Variants in UMAD1 observed in about 807,000 individuals in gnomAD.
UMAD1 encodes UBAP1-MVB12-associated (UMA)-domain containing protein 1.
A neutral mutation model predicts 6.1 loss-of-function variants in UMAD1; 8 were observed. The observed-to-expected ratio is 1.30, with a 90% confidence interval of 0.76 to 2.35. UMAD1 has a LOEUF of 2.35. Ranked by LOEUF, UMAD1 falls within the 30% of genes most tolerant of loss-of-function variation. The pLI, the probability that UMAD1 is intolerant of heterozygous loss-of-function variation, is 0.00. For synonymous variants in UMAD1, 56 were observed against 31.4 expected (o/e 1.78, Z -2.61); for missense variants, 130 against 78.4 (o/e 1.66, Z -2.49).
At chr7:7,721,102 A>G (rs1013456984) in intron 2 of UMAD1, among the ~76,000 whole-genome samples, 8 of 152,186 alleles carry the variant, frequency 5.3e-5, no homozygotes, top group Admixed American at 2.0e-4. Flanking sequence ...AGAAACCACC[A>G]GAGCTAGGAA....
intron 3 of UMAD1, among the ~76,000 whole-genome samples, chr7:7,862,853 C>A (rs1303983022): frequency 1.3e-5 from 2 of 152,102 alleles, no homozygotes; most frequent in Non-Finnish European, 2.9e-5. Flanking sequence ...GACAAGTAAC[C>A]TTTAAAATTA....
intron 2 of UMAD1, among the ~76,000 whole-genome samples, chr7:7,784,085 T>C (rs1782406638): frequency 6.6e-6 from 1 of 152,186 alleles, no homozygotes; most frequent in African/African-American, 2.4e-5. Flanking sequence ...TTTATAATTG[T>C]ATTAGAAGAA....
intron 3 of UMAD1, among the ~76,000 whole-genome samples, chr7:7,872,529 AG>A (rs1784349065): frequency 1.3e-5 from 2 of 152,240 alleles, no homozygotes; most frequent in African/African-American, 2.4e-5. Flanking sequence ...GCCTCACCAA[AG>A]CAGATAGAAT....
chr7:7,811,676 C>T (rs10249817), intron 3 of UMAD1, among the ~76,000 whole-genome samples: 72,931 of 151,884 alleles, frequency 0.48, 17,643 homozygotes, highest in African/African-American at 0.51. Flanking sequence ...TAAAATAATG[C>T]TTTGATAGGG....
chr7:7,728,940 A>G (rs1485515532), intron 2 of UMAD1, among the ~76,000 whole-genome samples: 1 of 152,250 alleles, frequency 6.6e-6, no homozygotes, highest in Non-Finnish European at 1.5e-5. Flanking sequence ...CTGACAGTCC[A>G]GTTGTAGAGA....
intron 3 of UMAD1, among the ~76,000 whole-genome samples, chr7:7,857,169 A>G (rs1431641072): frequency 2.0e-5 from 3 of 152,234 alleles, no homozygotes; most frequent in Non-Finnish European, 4.4e-5. Flanking sequence ...GCATGAAAGC[A>G]CCACTCTTTT....
intron 2 of UMAD1, among the ~76,000 whole-genome samples, chr7:7,791,757 C>G (rs533775053): frequency 6.6e-6 from 1 of 152,320 alleles, no homozygotes; most frequent in East Asian, 1.9e-4. Context: ...TGTTGGTGTT[C>G]TTACTTTCCA....
intron 2 of UMAD1, among the ~76,000 whole-genome samples, chr7:7,788,593 A>G (rs1396276628): frequency 6.6e-6 from 1 of 151,860 alleles, no homozygotes; most frequent in Non-Finnish European, 1.5e-5. Context: ...GCAGGCTCTC[A>G]GTGTCTGATT....
At chr7:7,853,571 T>G (rs1249093815) in intron 3 of UMAD1, among the ~76,000 whole-genome samples, 3 of 152,170 alleles carry the variant, frequency 2.0e-5, no homozygotes, top group Non-Finnish European at 2.9e-5. Flanking sequence ...TTTTTGATAG[T>G]ATTGTAAATG....
intron 3 of UMAD1, among the ~76,000 whole-genome samples, chr7:7,806,755 C>T (rs1782925073): frequency 6.6e-6 from 1 of 152,092 alleles, no homozygotes; most frequent in East Asian, 1.9e-4. Context: ...TATATATATA[C>T]ATCTGATTAA....
chr7:7,833,429 C>G (rs1783503062), intron 3 of UMAD1, among the ~76,000 whole-genome samples: 1 of 151,904 alleles, frequency 6.6e-6, no homozygotes, highest in Admixed American at 6.6e-5. Flanking sequence ...CAGAGATGGG[C>G]AAAGTACAGT....
chr7:7,820,417 CAGTT>C (rs1281413453), intron 3 of UMAD1, among the ~76,000 whole-genome samples: 1 of 152,094 alleles, frequency 6.6e-6, no homozygotes, highest in African/African-American at 2.4e-5. Flanking sequence ...CAGTATCAGT[CAGTT>C]CACAATTCAA....
intron 2 of UMAD1, among the ~76,000 whole-genome samples, chr7:7,791,341 G>C (rs542329812): frequency 3.9e-5 from 6 of 152,256 alleles, no homozygotes; most frequent in African/African-American, 9.6e-5. Flanking sequence ...CTTTCTATTG[G>C]CAGTATTTTG....
At chr7:7,669,606 G>A (rs535336088) in intron 1 of UMAD1, among the ~76,000 whole-genome samples, 14 of 152,288 alleles carry the variant, frequency 9.2e-5, no homozygotes, top group African/African-American at 2.9e-4. Context: ...TGAGTCTTTA[G>A]CATCAGCAGC....
chr7:7,859,125 C>T (rs964447409), intron 3 of UMAD1, among the ~76,000 whole-genome samples: 1 of 152,074 alleles, frequency 6.6e-6, no homozygotes, highest in Non-Finnish European at 1.5e-5. Context: ...TTAATTTAAT[C>T]TAATTTATTG....
intron 3 of UMAD1, among the ~76,000 whole-genome samples, chr7:7,812,918 AG>A (rs1783049059): frequency 1.3e-5 from 2 of 151,944 alleles, no homozygotes; most frequent in African/African-American, 2.4e-5. Context: ...GCTTAAGTGC[AG>A]CCATTTTTAT....
At chr7:7,863,403 T>G (rs1784150255) in intron 3 of UMAD1, among the ~76,000 whole-genome samples, 1 of 152,248 alleles carries the variant, frequency 6.6e-6, no homozygotes, top group African/African-American at 2.4e-5. Flanking sequence ...ATGAGAACTT[T>G]TCTGATCTCT....
intron 1 of UMAD1, among the ~76,000 whole-genome samples, chr7:7,654,919 T>A (rs867655510): frequency 1.3e-3 from 186 of 139,280 alleles, no homozygotes; most frequent in African/African-American, 4.0e-3. Flanking sequence ...AAAAAAAAAA[T>A]TTGTGATATT....
At chr7:7,737,146 G>A (rs36045810) in intron 2 of UMAD1, among the ~76,000 whole-genome samples, 44,390 of 152,182 alleles carry the variant, frequency 0.29, 7,387 homozygotes, top group African/African-American at 0.46. Flanking sequence ...TATAATTTCT[G>A]TATATTAATT....
Sources: allele counts gnomAD v4.1 joint callset (sites outside exome capture counted in the v4.1 genomes callset), GRCh38; gene constraint gnomAD v4.1.1; transcripts MANE v1.5; gene names NCBI Gene and HGNC (gene_info 2026-07-23, HGNC 2026-07-21).